The following CDC14A variants were observed in gnomAD, a reference collection of about 807,000 sequenced individuals.
CDC14A encodes the protein cell division cycle 14A.
A neutral mutation model predicts 74.4 loss-of-function variants in CDC14A; 53 were observed. The ratio of observed to expected loss-of-function variants is 0.71; its 90% CI spans 0.57 to 0.89. CDC14A has a LOEUF of 0.89. CDC14A is among the 40% of genes least tolerant of loss of function. The pLI is 0.00. For missense variants in CDC14A, 646 were observed against 713.7 expected (o/e 0.91, Z 1.08); for synonymous variants, 247 against 258.4 (o/e 0.96, Z 0.43).
chr1:100,363,337 A>G (rs1653059042), intron 2 of CDC14A: 1 of 152,156 alleles, frequency 6.6e-6, no homozygotes, highest in Non-Finnish European at 1.5e-5. Context: ...AAAAGAGAAA[A>G]TGATTTTAGG....
At chr1:100,450,525 A>G (rs1176363414) in intron 7 of CDC14A, among the ~76,000 whole-genome samples, 1 of 152,068 alleles carries the variant, frequency 6.6e-6, no homozygotes, top group Non-Finnish European at 1.5e-5. Context: ...TCCTGTGGCA[A>G]TTTGAATATT....
chr1:100,434,499 C>CT (rs1664086802), intron 5 of CDC14A, among the ~76,000 whole-genome samples: 1 of 152,210 alleles, frequency 6.6e-6, no homozygotes, highest in Non-Finnish European at 1.5e-5. Context: ...AAAAATATCA[C>CT]TCTGGCTTCA....
chr1:100,432,941 G>C (rs1663887822), intron 5 of CDC14A, among the ~76,000 whole-genome samples: 1 of 152,118 alleles, frequency 6.6e-6, no homozygotes, highest in African/African-American at 2.4e-5. Context: ...AGGCTGGGGT[G>C]CAGTGGCCAA....
upstream of CDC14A, chr1:100,351,788 T>G: frequency 1.3e-6 from 2 of 1,550,550 alleles, no homozygotes; most frequent in Non-Finnish European, 1.7e-6. Context: ...GAGAACAAAG[T>G]ACAAGTTATA....
At chr1:100,369,792 A>T (rs1374988043) in intron 2 of CDC14A, among the ~76,000 whole-genome samples, 1 of 151,558 alleles carries the variant, frequency 6.6e-6, no homozygotes, top group Non-Finnish European at 1.5e-5. Flanking sequence ...CCTGAGGCCG[A>T]TATTTAGAAT....
intron 2 of CDC14A, among the ~76,000 whole-genome samples, chr1:100,373,474 G>C (rs1184602453): frequency 1.3e-5 from 2 of 152,220 alleles, no homozygotes; most frequent in Non-Finnish European, 2.9e-5. Context: ...ACAGAGACAT[G>C]AAGTGAGCAC....
chr1:100,391,870 G>C (rs1305589403), intron 4 of CDC14A, among the ~76,000 whole-genome samples: 1 of 152,248 alleles, frequency 6.6e-6, no homozygotes, highest in Non-Finnish European at 1.5e-5. Flanking sequence ...GAGGTGCCCA[G>C]CCCTGCCCAC....
At chr1:100,497,793 A>G (rs1421520754) in intron 13 of CDC14A, among the ~76,000 whole-genome samples, 1 of 152,210 alleles carries the variant, frequency 6.6e-6, no homozygotes, top group Non-Finnish European at 1.5e-5. Flanking sequence ...GAGTGACTGG[A>G]TGAGGAACTT....
Position 100,455,330 on chromosome 1 carries a change from T to C in CDC14A, c.520-75T>C, listed in dbSNP as rs934186646. On this transcript the variant is annotated intron_variant, in intron 7 of 15. Coordinates refer to ENST00000336454, the MANE Select transcript of CDC14A (RefSeq NM_003672.4). ...TAGTACTAAGAGTGAAAAGCAGTTT[T>C]ATTTGTAAGGGTTTCCTAAATTGTA... The C allele has an allele frequency of 4.1e-6, 4 of 967,176 alleles. No individual in the cohort carries two copies. In the African/African-American group the frequency reaches 5.0e-5, roughly 12 times the overall value. 59.9% of individuals were successfully genotyped at this position (967,176 alleles called of 1,614,324 possible). A position where few individuals can be genotyped will look rare whatever the true frequency, so the allele number is the denominator to read the frequency against.
chr1:100,461,080 AC>A (rs1363547855), intron 8 of CDC14A, among the ~76,000 whole-genome samples: 1 of 152,234 alleles, frequency 6.6e-6, no homozygotes, highest in Non-Finnish European at 1.5e-5. Flanking sequence ...CACTGAAGAA[AC>A]CAGAATATGT....
intron 2 of CDC14A, among the ~76,000 whole-genome samples, chr1:100,355,438 G>C (rs1368729733): frequency 6.6e-6 from 1 of 152,128 alleles, no homozygotes; most frequent in South Asian, 2.1e-4. Flanking sequence ...GTGCATGATG[G>C]CTTTTTGATT....
chr1:100,346,819 T>C lies in CDC14A; in HGVS notation c.-126+1636T>C, dbSNP rs114691591. On this transcript the variant is annotated intron_variant, in intron 1 of 14. Coordinates refer to the CDC14A transcript ENST00000635056. ...CCTTCTAAAACTGCACCATTCTTTA[T>C]TGACTGCATTAGTCAAGAAGGAGAT... 5.4e-3 allele frequency among the ~76,000 whole-genome samples: 830 copies of C among 152,344 alleles called. 8 individuals are homozygous for C. Among genetic ancestry groups the C allele is most frequent in the African/African-American group, 0.019 (796 of 41,572 alleles).
At chr1:100,370,039 A>C (rs888475436) in intron 2 of CDC14A, among the ~76,000 whole-genome samples, 5 of 151,190 alleles carry the variant, frequency 3.3e-5, no homozygotes, top group African/African-American at 1.2e-4. Context: ...GCTGGAGTGT[A>C]GTGGCACCAT....
intron 4 of CDC14A, chr1:100,393,847 G>T: frequency 3.9e-6 from 1 of 258,164 alleles, no homozygotes; most frequent in South Asian, 4.3e-5. Context: ...GGAGGCTGAG[G>T]CAGGAGAATC....
At chr1:100,459,114 C>T (rs1305717964) in intron 8 of CDC14A, among the ~76,000 whole-genome samples, 1 of 147,974 alleles carries the variant, frequency 6.8e-6, no homozygotes, top group Non-Finnish European at 1.5e-5. Context: ...CACACACACA[C>T]ACACACACAC....
intron 8 of CDC14A, among the ~76,000 whole-genome samples, chr1:100,460,130 T>A (rs1018069430): frequency 6.6e-6 from 1 of 152,212 alleles, no homozygotes; most frequent in African/African-American, 2.4e-5. Flanking sequence ...TTTAATGAGA[T>A]AATCCACATA....
At chr1:100,472,364 A>G (rs1358856469) in intron 10 of CDC14A, among the ~76,000 whole-genome samples, 2 of 152,120 alleles carry the variant, frequency 1.3e-5, no homozygotes, top group African/African-American at 2.4e-5. Flanking sequence ...CTCATCAGCA[A>G]TGGTTTGTCA....
intron 4 of CDC14A, among the ~76,000 whole-genome samples, chr1:100,410,321 C>T (rs1187362960): frequency 6.6e-6 from 1 of 151,882 alleles, no homozygotes; most frequent in Non-Finnish European, 1.5e-5. Context: ...TTAAAAGTTT[C>T]TAAAATCATT....
chr1:100,401,669 A>G (rs998435021), intron 4 of CDC14A, among the ~76,000 whole-genome samples: 1 of 152,240 alleles, frequency 6.6e-6, no homozygotes, highest in African/African-American at 2.4e-5. Flanking sequence ...ATTTATACAT[A>G]TAAGTATTTG....
Sources: gnomAD v4.1 joint callset for allele counts (sites outside exome capture counted in the v4.1 genomes callset) on GRCh38, gnomAD v4.1.1 for gene constraint, MANE v1.5 for transcripts, NCBI Gene and HGNC (gene_info 2026-07-23, HGNC 2026-07-21) for gene names.